CLEC16A: variants seen among roughly 807,000 people sequenced by gnomAD.
CLEC16A encodes the protein protein CLEC16A.
Under a neutral mutation model 109.5 loss-of-function variants are expected in CLEC16A, and 51 were observed. The ratio of observed to expected loss-of-function variants is 0.47; its 90% CI spans 0.37 to 0.59. CLEC16A has a LOEUF of 0.59. Among genes scored for constraint, CLEC16A ranks in the 20% least tolerant of loss-of-function variants. The probability of loss-of-function intolerance (pLI) is 0.00; values close to 1 mark genes in which losing one functional copy is unlikely to be tolerated. For missense variants in CLEC16A, 1,339 were observed against 1,394.0 expected, an observed-to-expected ratio of 0.96 and a Z score of 0.63; for synonymous variants, 673 against 564.2, an observed-to-expected ratio of 1.19 and a Z score of -2.73.
At chr16:11,161,809 G>C (rs2054730476) in intron 22 of CLEC16A, among the ~76,000 whole-genome samples, 1 of 152,194 alleles carries the variant, frequency 6.6e-6, no homozygotes, top group South Asian at 2.1e-4. Flanking sequence ...GTGTGTAAAA[G>C]CTCCCAACGT....
chr16:11,026,347 T>C (rs537827488), intron 13 of CLEC16A, among the ~76,000 whole-genome samples: 7 of 152,362 alleles, frequency 4.6e-5, no homozygotes, highest in African/African-American at 1.7e-4. Flanking sequence ...GGCATAGGGC[T>C]TTTTAAGGTT....
In CLEC16A at chr16:11,178,264, G is replaced by T; in HGVS notation, c.2807-71G>T. ...TCACCAGGGCCGCGGTTCAGGATGG[G>T]AGCACAGGGCGCAGTGCGACGGGGT... is the stretch of plus-strand genomic sequence containing the variant. On this transcript the variant is annotated intron_variant, in intron 23 of 23. Coordinates refer to ENST00000409790, the MANE Select transcript of CLEC16A (RefSeq NM_015226.3). The surrounding 1 kb of genome is among the most constrained non-coding windows in gnomAD (Gnocchi z 6.5). 7.2e-7 allele frequency: 1 copy of T among 1,396,008 alleles called. No homozygotes were observed. The highest frequency in any genetic ancestry group is 9.9e-7 in the Non-Finnish European group (1 of 1,006,784). The allele number at this position is 1,396,008 out of a possible 1,614,324, so 86.5% of individuals were successfully genotyped here. A position where few individuals can be genotyped will look rare whatever the true frequency, so the allele number is the denominator to read the frequency against.
chr16:11,079,034 T>C (rs968722972), intron 19 of CLEC16A, among the ~76,000 whole-genome samples: 13 of 152,244 alleles, frequency 8.5e-5, no homozygotes, highest in African/African-American at 3.1e-4. Flanking sequence ...GCGTAATAGG[T>C]TGGGCCTCCT....
At chr16:11,161,399 A>G (rs145929846) in intron 22 of CLEC16A, among the ~76,000 whole-genome samples, 190 of 152,344 alleles carry the variant, frequency 1.2e-3, no homozygotes, top group African/African-American at 4.1e-3. Context: ...TTGTAAAGAC[A>G]GAAAAGAAGC....
At chr16:11,002,893 G>A (rs577299874) in intron 10 of CLEC16A, among the ~76,000 whole-genome samples, 181 bp from the exon 11 acceptor site, 14 of 152,180 alleles carry the variant, frequency 9.2e-5, no homozygotes, top group African/African-American at 2.6e-4. Context: ...CACTTAGGCC[G>A]ATTCCATGTC....
rs188296413 is a variant in CLEC16A at position 11,121,083 on chromosome 16, A to G, written c.2268+317A>G. ...ATATATAAATGTAACTACATGTACT[A>G]TTTTTAAAAATTATATACATATACT... On this transcript the variant is annotated intron_variant, in intron 20 of 23. Transcript: ENST00000409790. 3.3e-5 allele frequency among the ~76,000 whole-genome samples: 5 copies of G among 152,296 alleles called. No homozygotes were observed. The East Asian group carries it at 9.6e-4, about 29-fold the overall frequency.
intron 18 of CLEC16A, among the ~76,000 whole-genome samples, chr16:11,054,125 G>C (rs1037150240): frequency 3.3e-5 from 5 of 152,254 alleles, no homozygotes; most frequent in African/African-American, 1.2e-4. Flanking sequence ...GCAGGAGCCA[G>C]ATCACGGGAG....
At chr16:10,964,138 C>G (rs1003398490) in intron 3 of CLEC16A, among the ~76,000 whole-genome samples, 4 of 152,226 alleles carry the variant, frequency 2.6e-5, no homozygotes, top group Admixed American at 2.0e-4. Flanking sequence ...TGGTGGCATT[C>G]CTCTGGCCAA....
chr16:10,996,059 C>A (rs1027799129), intron 10 of CLEC16A, among the ~76,000 whole-genome samples: 3 of 152,158 alleles, frequency 2.0e-5, no homozygotes, highest in African/African-American at 7.2e-5. Context: ...CAAGATTCTT[C>A]CCTGGGCAGG....
At chr16:11,115,931 G>T (rs1361137082) in intron 19 of CLEC16A, among the ~76,000 whole-genome samples, 3 of 151,636 alleles carry the variant, frequency 2.0e-5, no homozygotes, top group Admixed American at 1.3e-4. Flanking sequence ...TGCCCAGGAT[G>T]AACTCTTGGG....
At chr16:10,979,291 C>T (rs1407579615) in intron 8 of CLEC16A, 38 bp from the exon 9 acceptor site, 5 of 1,589,666 alleles carry the variant, frequency 3.1e-6, no homozygotes, top group Non-Finnish European at 3.4e-6. Context: ...GCTTGTGTGA[C>T]CTGATCTCTC....
chr16:11,010,825 C>T (rs75609016), intron 11 of CLEC16A, among the ~76,000 whole-genome samples: 96 of 152,348 alleles, frequency 6.3e-4, no homozygotes, highest in African/African-American at 1.7e-3. Flanking sequence ...TCCACGATCT[C>T]TTTCTCTTTT....
chr16:11,138,239 CAG>C (rs1331707750), intron 22 of CLEC16A, among the ~76,000 whole-genome samples: 2 of 152,168 alleles, frequency 1.3e-5, no homozygotes, highest in African/African-American at 4.8e-5. Context: ...AGCCTGGGGT[CAG>C]GGGGAGGGAC....
intron 13 of CLEC16A, chr16:11,027,447 T>C: frequency 1.3e-6 from 2 of 1,564,714 alleles, no homozygotes; most frequent in Non-Finnish European, 1.7e-6. Flanking sequence ...GACCTGGGGA[T>C]TTCCAAATCT....
intron 10 of CLEC16A, among the ~76,000 whole-genome samples, chr16:10,993,679 TC>T (rs2147133861): frequency 6.6e-6 from 1 of 152,376 alleles, no homozygotes; most frequent in East Asian, 1.9e-4. Context: ...TTCATCTTTT[TC>T]AAAATATAGT....
intron 20 of CLEC16A, among the ~76,000 whole-genome samples, chr16:11,121,495 G>A (rs1203946511): frequency 3.9e-5 from 6 of 152,174 alleles, no homozygotes; most frequent in East Asian, 3.9e-4. Flanking sequence ...TCCGCTCAAC[G>A]TCACCCCAGC....
intron 22 of CLEC16A, chr16:11,136,307 T>G (rs1431999844): frequency 2.0e-5 from 3 of 152,218 alleles, no homozygotes; most frequent in African/African-American, 7.2e-5. Flanking sequence ...GATGGTAGAT[T>G]CTGTTATGTG....
intron 22 of CLEC16A, among the ~76,000 whole-genome samples, chr16:11,156,156 G>A (rs900532926): frequency 1.3e-5 from 2 of 152,180 alleles, no homozygotes; most frequent in African/African-American, 2.4e-5. Context: ...GAGGTCAGGA[G>A]TTTGAGACCA....
chr16:10,971,715 G>T (rs1246117270), intron 5 of CLEC16A, among the ~76,000 whole-genome samples: 4 of 152,216 alleles, frequency 2.6e-5, no homozygotes, highest in Non-Finnish European at 5.9e-5. Flanking sequence ...TTTCCCTCAA[G>T]ATGTTCTTAA....
Sources: allele counts gnomAD v4.1 joint callset (sites outside exome capture counted in the v4.1 genomes callset), GRCh38; gene constraint gnomAD v4.1.1; non-coding constraint Gnocchi (gnomAD v3.1); transcripts MANE v1.5; gene names NCBI Gene and HGNC (gene_info 2026-07-23, HGNC 2026-07-21).